Variants in CCDC148 observed in about 807,000 individuals in gnomAD.
CCDC148 encodes the protein coiled-coil domain containing 148.
In CCDC148, 89 loss-of-function variants were observed where a neutral mutation model predicts 85.7. The ratio of observed to expected loss-of-function variants is 1.04; its 90% CI spans 0.87 to 1.24. The LOEUF is 1.24. Ranked by LOEUF, CCDC148 falls within the 50% of genes most tolerant of loss-of-function variation. The pLI is 0.00. For synonymous variants in CCDC148, 230 were observed against 213.9 expected (o/e 1.08, Z -0.66); for missense variants, 692 against 671.7 (o/e 1.03, Z -0.33).
At position 158,286,010 on chromosome 2, in the gene CCDC148, A is replaced by G. The variant is rs1053643258; in HGVS notation, c.1110+23423T>C. 5.3e-5 allele frequency among the ~76,000 whole-genome samples: 8 copies of G among 152,314 alleles called. No homozygotes were observed. The East Asian group carries it at 1.5e-3, about 29-fold the overall frequency. On this transcript the variant is annotated intron_variant, in intron 9 of 13. Coordinates refer to ENST00000283233, the MANE Select transcript of CCDC148 (RefSeq NM_138803.4). ...GTAAAAGGAAGCAAAATTGTCATTC[A>G]TAGGTGGCAATATCCTATACATGGA... is the stretch of plus-strand genomic sequence containing the variant.
intron 11 of CCDC148, among the ~76,000 whole-genome samples, chr2:158,206,056 A>G (rs1686226042): frequency 6.6e-6 from 1 of 152,166 alleles, no homozygotes; most frequent in South Asian, 2.1e-4. Context: ...TCAAGCAGAT[A>G]CATGTGGTAG....
chr2:158,230,653 TTA>T (rs1274245711), intron 10 of CCDC148, among the ~76,000 whole-genome samples: 1 of 22,360 alleles, frequency 4.5e-5, no homozygotes. Flanking sequence ...ATGATCTGAC[TTA>T]CATTTCTTAC....
chr2:158,376,541 T>A (rs1209501705), intron 1 of CCDC148, among the ~76,000 whole-genome samples: 1 of 152,140 alleles, frequency 6.6e-6, no homozygotes, highest in African/African-American at 2.4e-5. Flanking sequence ...TGGTAGCCAC[T>A]AATATGTTTT....
At position 158,307,267 on chromosome 2, in the gene CCDC148, T is replaced by G. The variant is rs1395117874; in HGVS notation, c.1110+2166A>C. Among the ~76,000 whole-genome samples, 3 of 151,968 alleles carry G rather than the reference T, an allele frequency of 2.0e-5. No homozygotes were observed. The East Asian group carries it at 5.8e-4, about 29-fold the overall frequency. ...CCCAATAGAAAAATAGGCAAAAGACTTGAGTGGGCTTCTCACAAAAGAGGA... is the reference window on the plus strand; with the variant it reads ...CCCAATAGAAAAATAGGCAAAAGACGTGAGTGGGCTTCTCACAAAAGAGGA... On this transcript the variant is annotated intron_variant, in intron 9 of 13. Transcript: ENST00000283233.
chr2:158,211,660 T>C (rs149721209), intron 11 of CCDC148, among the ~76,000 whole-genome samples: 78 of 152,296 alleles, frequency 5.1e-4, no homozygotes, highest in African/African-American at 1.8e-3. Flanking sequence ...GCAAACGACA[T>C]GCTTCAATTG....
intron 1 of CCDC148, among the ~76,000 whole-genome samples, chr2:158,393,999 C>A (rs936196356): frequency 6.6e-6 from 1 of 152,012 alleles, no homozygotes; most frequent in South Asian, 2.1e-4. Flanking sequence ...GTTCCTAGAT[C>A]CTAATATTCT....
chr2:158,174,585 T>C (rs962096941), intron 13 of CCDC148, among the ~76,000 whole-genome samples: 3 of 152,026 alleles, frequency 2.0e-5, no homozygotes, highest in Non-Finnish European at 4.4e-5. Flanking sequence ...GTGAATGTCA[T>C]AGCATGTACT....
At chr2:158,282,636 C>A (rs1044503819) in intron 9 of CCDC148, among the ~76,000 whole-genome samples, 3 of 152,146 alleles carry the variant, frequency 2.0e-5, no homozygotes, top group African/African-American at 4.8e-5. Flanking sequence ...AGAGGATACA[C>A]AGAAATGGAA....
chr2:158,326,839 T>C (rs1046188074), intron 7 of CCDC148, among the ~76,000 whole-genome samples: 5 of 152,170 alleles, frequency 3.3e-5, no homozygotes, highest in African/African-American at 1.2e-4. Context: ...TATCAATTTT[T>C]GTGTATTGTT....
At chr2:158,322,895 A>T (rs144613585) in intron 7 of CCDC148, among the ~76,000 whole-genome samples, 5 of 152,176 alleles carry the variant, frequency 3.3e-5, no homozygotes, top group Admixed American at 3.3e-4. Context: ...ACTATAAAGT[A>T]GAAATTACTT....
chr2:158,380,526 A>C (rs370775534), intron 1 of CCDC148, among the ~76,000 whole-genome samples: 1 of 152,294 alleles, frequency 6.6e-6, no homozygotes, highest in East Asian at 1.9e-4. Flanking sequence ...GAAAAGACTC[A>C]GTATTGTAAA....
intron 9 of CCDC148, among the ~76,000 whole-genome samples, chr2:158,262,877 T>C (rs1392482760): frequency 6.6e-6 from 1 of 151,836 alleles, no homozygotes; most frequent in Non-Finnish European, 1.5e-5. Context: ...AGTTTAAAAA[T>C]AATAGTAATA....
At chr2:158,280,344 G>A (rs1450483902) in intron 9 of CCDC148, among the ~76,000 whole-genome samples, 1 of 152,106 alleles carries the variant, frequency 6.6e-6, no homozygotes, top group African/African-American at 2.4e-5. Flanking sequence ...ATTGGATAAA[G>A]AGTCAAGACC....
chr2:158,298,432 A>G (rs972707061), intron 9 of CCDC148, among the ~76,000 whole-genome samples: 4 of 152,088 alleles, frequency 2.6e-5, no homozygotes, highest in Admixed American at 6.6e-5. Flanking sequence ...TATTTCTTCA[A>G]TACTGCCTCT....
Position 158,340,299 on chromosome 2 carries a change from GTGATGC to G in CCDC148, c.423_428del (p.Gln141_His142del). On this transcript the variant is annotated inframe_deletion, in exon 5 of 14. Coordinates refer to ENST00000283233, the MANE Select transcript of CCDC148 (RefSeq NM_138803.4). ...TATGTGGGTGTGAATGCTGCAAAGTGTGATGCTGTCTGTATTTTAGATCTGCTCTCA... is the reference window on the plus strand; with the variant it reads ...TATGTGGGTGTGAATGCTGCAAAGTGTGTCTGTATTTTAGATCTGCTCTCA... The G allele has an allele frequency of 6.2e-7, 1 of 1,613,936 alleles. No individual in the cohort carries two copies.
At chr2:158,207,900 T>C (rs1686335395) in intron 11 of CCDC148, among the ~76,000 whole-genome samples, 1 of 152,042 alleles carries the variant, frequency 6.6e-6, no homozygotes, top group South Asian at 2.1e-4. Flanking sequence ...ATTGTGATCT[T>C]GACCAAATTT....
chr2:158,433,380 T>C (rs1000755941), intron 1 of CCDC148, among the ~76,000 whole-genome samples: 1 of 151,460 alleles, frequency 6.6e-6, no homozygotes, highest in African/African-American at 2.4e-5. Context: ...GCAAACAAAA[T>C]ACTAGGAGAA....
intron 2 of CCDC148, among the ~76,000 whole-genome samples, chr2:158,350,190 C>T (rs1474561991): frequency 6.6e-6 from 1 of 152,088 alleles, no homozygotes; most frequent in Non-Finnish European, 1.5e-5. Context: ...ATTATTGTTC[C>T]TGCACTTGAT....
Position 158,369,226 on chromosome 2 carries a change from T to C in CCDC148, c.26-10656A>G, listed in dbSNP as rs143690036. Among the ~76,000 whole-genome samples the C allele has an allele frequency of 9.3e-3, 1,417 of 152,290 alleles. 9 individuals are homozygous for C. Among genetic ancestry groups the C allele is most frequent in the Middle Eastern group, 0.024 (7 of 294 alleles). ...TCTGTGAAGAATGTCAATGGTAGTTTAATGGGAATAGCATTGAATCTATAA... is the reference window on the plus strand; with the variant it reads ...TCTGTGAAGAATGTCAATGGTAGTTCAATGGGAATAGCATTGAATCTATAA... On this transcript the variant is annotated intron_variant, in intron 1 of 13. Transcript: ENST00000283233.
Sources: allele counts gnomAD v4.1 joint callset (sites outside exome capture counted in the v4.1 genomes callset), GRCh38; gene constraint gnomAD v4.1.1; transcripts MANE v1.5; gene names NCBI Gene and HGNC (gene_info 2026-07-23, HGNC 2026-07-21).